The following SOX5 variants were observed in gnomAD, a reference collection of about 807,000 sequenced individuals.
SOX5 encodes SRY-box transcription factor 5, also known as transcription factor SOX-5.
Under a neutral mutation model 92.0 loss-of-function variants are expected in SOX5, and 9 were observed. That is an observed-to-expected ratio of 0.10 (90% CI 0.06 to 0.17). The LOEUF (loss-of-function observed/expected upper bound fraction) is 0.17. SOX5 is among the 10% of genes least tolerant of loss of function. The probability of loss-of-function intolerance (pLI) is 1.00; values close to 1 mark genes in which losing one functional copy is unlikely to be tolerated. For missense variants in SOX5, 642 were observed against 944.5 expected (o/e 0.68, Z 4.20); for synonymous variants, 344 against 336.3 (o/e 1.02, Z -0.25).
intron 2 of SOX5, among the ~76,000 whole-genome samples, chr12:24,306,446 G>A (rs1948579215): frequency 1.3e-5 from 2 of 152,182 alleles, no homozygotes; most frequent in Admixed American, 6.5e-5. Flanking sequence ...AAAAAGCAGA[G>A]AGCGCTCTGG....
intron 3 of SOX5, among the ~76,000 whole-genome samples, chr12:24,231,334 C>A (rs1963357792): frequency 6.6e-6 from 1 of 152,168 alleles, no homozygotes; most frequent in Non-Finnish European, 1.5e-5. Context: ...AGCAAATCCC[C>A]CAGGACTGTT....
At chr12:23,989,501 A>C in intron 4 of SOX5, among the ~76,000 whole-genome samples, 1 of 152,226 alleles carries the variant, frequency 6.6e-6, no homozygotes, top group East Asian at 1.9e-4. Context: ...AGGAACATGG[A>C]AAGTATCAAC....
rs181076290 is a variant in SOX5 at position 23,674,992 on chromosome 12, G to A, written c.811-9428C>T. 3.1e-3 allele frequency among the ~76,000 whole-genome samples: 478 copies of A among 152,008 alleles called. 3 individuals are homozygous for A. Among genetic ancestry groups the A allele is most frequent in the African/African-American group, 0.011 (459 of 41,466 alleles). On this transcript the variant is annotated intron_variant, in intron 6 of 14. Coordinates refer to ENST00000451604, the MANE Select transcript of SOX5 (RefSeq NM_006940.6). ...TCCTGAAGATCTTAAATTGTTAGTC[G>A]GCTTTGCCTATTTTGGTAGAAAACA...
chr12:23,574,780 A>G (rs1043509827), intron 10 of SOX5, among the ~76,000 whole-genome samples: 1 of 152,224 alleles, frequency 6.6e-6, no homozygotes, highest in Admixed American at 6.5e-5. Context: ...ACTGCCTAGA[A>G]TGCCTAGGAA....
At chr12:23,850,786 C>T (rs1362635477) in intron 2 of SOX5, among the ~76,000 whole-genome samples, 1 of 152,216 alleles carries the variant, frequency 6.6e-6, no homozygotes, top group South Asian at 2.1e-4. Flanking sequence ...TTGGGACTAC[C>T]GATCCCTTGA....
chr12:24,228,930 A>G (rs1962728903), intron 3 of SOX5, among the ~76,000 whole-genome samples: 2 of 152,208 alleles, frequency 1.3e-5, no homozygotes, highest in Admixed American at 1.3e-4. Context: ...GAACTGCTAT[A>G]AATTAATGGT....
chr12:24,215,328 C>T (rs1029197864), intron 3 of SOX5, among the ~76,000 whole-genome samples: 2 of 151,958 alleles, frequency 1.3e-5, no homozygotes, highest in Non-Finnish European at 2.9e-5. Flanking sequence ...TTGTAGATAA[C>T]GTTATCATTT....
chr12:24,080,962 C>G (rs1406762277), intron 4 of SOX5, among the ~76,000 whole-genome samples: 1 of 151,914 alleles, frequency 6.6e-6, no homozygotes, highest in Non-Finnish European at 1.5e-5. Flanking sequence ...CATGTACTTG[C>G]ACTTATGTGA....
At chr12:23,813,678 C>T (rs538351826) in intron 3 of SOX5, among the ~76,000 whole-genome samples, 2 of 152,060 alleles carry the variant, frequency 1.3e-5, no homozygotes, top group Non-Finnish European at 2.9e-5. Flanking sequence ...ATTCCTCATC[C>T]GTGTACCATT....
intron 3 of SOX5, among the ~76,000 whole-genome samples, chr12:23,760,586 G>A (rs1180403194): frequency 1.5e-5 from 2 of 132,812 alleles, no homozygotes; most frequent in African/African-American, 5.5e-5. Flanking sequence ...TCACATCAAT[G>A]CCTATGGCAA....
chr12:24,233,872 G>T (rs918336753), intron 3 of SOX5, among the ~76,000 whole-genome samples: 3 of 152,200 alleles, frequency 2.0e-5, no homozygotes, highest in Non-Finnish European at 1.5e-5. Flanking sequence ...GCTCGAGGAT[G>T]AACAGATCAA....
chr12:23,963,776 A>AAAAC (rs1947237521), intron 4 of SOX5, among the ~76,000 whole-genome samples: 1 of 151,496 alleles, frequency 6.6e-6, no homozygotes, highest in Non-Finnish European at 1.5e-5. Flanking sequence ...AAAAAAAAAA[A>AAAAC]AAAAAAACTG....
chr12:23,867,831 A>G (rs1568470802), intron 2 of SOX5, among the ~76,000 whole-genome samples: 1 of 151,842 alleles, frequency 6.6e-6, no homozygotes, highest in Non-Finnish European at 1.5e-5. Context: ...TAAAAAAAAA[A>G]ACAAAAAAAC....
chr12:23,555,918 C>T lies in SOX5; in HGVS notation c.1488+7340G>A, dbSNP rs528462866. 6.6e-5 allele frequency among the ~76,000 whole-genome samples: 10 copies of T among 152,232 alleles called. No individual in the cohort carries two copies. The East Asian group carries it at 1.9e-3, about 29-fold the overall frequency. On this transcript the variant is annotated intron_variant, in intron 11 of 14. Coordinates refer to ENST00000451604, the MANE Select transcript of SOX5 (RefSeq NM_006940.6). Reference sequence around the variant, plus strand: ...TCTAGAACAAAAGGCTATAGACAGCCTATACTCAATTTCTAAAAACAAACA... The same window carrying T: ...TCTAGAACAAAAGGCTATAGACAGCTTATACTCAATTTCTAAAAACAAACA...
intron 3 of SOX5, among the ~76,000 whole-genome samples, chr12:24,220,857 T>C (rs967811364): frequency 1.3e-5 from 2 of 152,324 alleles, no homozygotes; most frequent in Admixed American, 1.3e-4. Context: ...TATCTTTGGA[T>C]TTATATCACA....
At chr12:24,071,497 C>T (rs867657581) in intron 4 of SOX5, among the ~76,000 whole-genome samples, 4 of 152,126 alleles carry the variant, frequency 2.6e-5, no homozygotes, top group Admixed American at 6.5e-5. Context: ...TGCAGTGGCG[C>T]GATCTCGGCT....
intron 4 of SOX5, among the ~76,000 whole-genome samples, chr12:23,994,924 T>C (rs537786168): frequency 2.6e-5 from 4 of 152,282 alleles, no homozygotes; most frequent in African/African-American, 4.8e-5. Flanking sequence ...TCTAGAACAA[T>C]TGGATCACAA....
At chr12:24,089,494 T>G (rs1439952910) in intron 4 of SOX5, among the ~76,000 whole-genome samples, 1 of 152,164 alleles carries the variant, frequency 6.6e-6, no homozygotes, top group Non-Finnish European at 1.5e-5. Context: ...TGACTATACA[T>G]GCATGTCTTT....
At chr12:24,278,923 G>C (rs921766664) in intron 2 of SOX5, among the ~76,000 whole-genome samples, 1 of 145,232 alleles carries the variant, frequency 6.9e-6, no homozygotes, top group Non-Finnish European at 1.5e-5. Context: ...CTGCCCAACT[G>C]TAAAGAGACT....
Sources: gnomAD v4.1 joint callset for allele counts (sites outside exome capture counted in the v4.1 genomes callset) on GRCh38, gnomAD v4.1.1 for gene constraint, MANE v1.5 for transcripts, NCBI Gene and HGNC (gene_info 2026-07-23, HGNC 2026-07-21) for gene names.